Variants in ARHGAP15 observed in about 807,000 individuals in gnomAD.
The protein encoded by ARHGAP15 is rho GTPase-activating protein 15.
Under a neutral mutation model 63.7 loss-of-function variants are expected in ARHGAP15, and 51 were observed. That is an observed-to-expected ratio of 0.80 (90% CI 0.64 to 1.01). The LOEUF is 1.01. ARHGAP15 is among the 50% of genes least tolerant of loss of function. ARHGAP15 has a pLI of 0.00. For synonymous variants in ARHGAP15, 191 were observed against 193.8 expected, an observed-to-expected ratio of 0.99 and a Z score of 0.12; for missense variants, 560 against 564.6, an observed-to-expected ratio of 0.99 and a Z score of 0.08.
intron 12 of ARHGAP15, among the ~76,000 whole-genome samples, chr2:143,625,122 AG>A (rs1248289208): frequency 6.6e-6 from 1 of 152,192 alleles, no homozygotes; most frequent in East Asian, 1.9e-4. Flanking sequence ...GATTTAAGGA[AG>A]AAAAAGAAAG....
intron 2 of ARHGAP15, among the ~76,000 whole-genome samples, chr2:143,198,789 G>T (rs1379359811): frequency 1.3e-5 from 2 of 152,104 alleles, no homozygotes; most frequent in Non-Finnish European, 2.9e-5. Context: ...ATAGTTAAAG[G>T]CCAAGTGCCC....
chr2:143,524,364 G>GACT (rs1345971764), intron 10 of ARHGAP15, among the ~76,000 whole-genome samples: 2 of 152,142 alleles, frequency 1.3e-5, no homozygotes, highest in Non-Finnish European at 2.9e-5. Context: ...CAAGCAAAGG[G>GACT]ACTGACCTTT....
intron 11 of ARHGAP15, among the ~76,000 whole-genome samples, chr2:143,616,204 TTTATG>T (rs1233944304): frequency 1.3e-5 from 2 of 152,188 alleles, no homozygotes; most frequent in African/African-American, 4.8e-5. Context: ...GGGAAGATGT[TTTATG>T]TTATGCCATT....
intron 6 of ARHGAP15, among the ~76,000 whole-genome samples, chr2:143,324,949 A>G (rs1684186473): frequency 1.3e-5 from 2 of 152,184 alleles, no homozygotes; most frequent in Non-Finnish European, 2.9e-5. Flanking sequence ...ATTATAATGA[A>G]TATTCAAAAT....
At chr2:143,391,546 C>T (rs1283430339) in intron 6 of ARHGAP15, among the ~76,000 whole-genome samples, 1 of 152,204 alleles carries the variant, frequency 6.6e-6, no homozygotes, top group African/African-American at 2.4e-5. Context: ...TAAGCAAGCA[C>T]TTAACTCAAT....
chr2:143,583,772 G>T (rs1265062191), intron 11 of ARHGAP15, among the ~76,000 whole-genome samples: 2 of 152,160 alleles, frequency 1.3e-5, no homozygotes, highest in Non-Finnish European at 2.9e-5. Context: ...GTGAGTAAAT[G>T]GGAGTTCTCC....
intron 6 of ARHGAP15, among the ~76,000 whole-genome samples, chr2:143,346,262 A>T (rs1558909900): frequency 6.6e-6 from 1 of 150,698 alleles, no homozygotes; most frequent in African/African-American, 2.4e-5. Context: ...ACACACACAC[A>T]CACACACACA....
chr2:143,612,423 A>T (rs1229081367), intron 11 of ARHGAP15, among the ~76,000 whole-genome samples: 1 of 152,162 alleles, frequency 6.6e-6, no homozygotes, highest in Non-Finnish European at 1.5e-5. Flanking sequence ...TTCACCTTAA[A>T]TGTCCTGTGT....
intron 9 of ARHGAP15, among the ~76,000 whole-genome samples, chr2:143,504,513 C>T (rs1010165372): frequency 8.5e-5 from 13 of 152,156 alleles, no homozygotes; most frequent in African/African-American, 2.4e-4. Flanking sequence ...TTAATTCCTA[C>T]GTAATCGCAA....
intron 12 of ARHGAP15, among the ~76,000 whole-genome samples, chr2:143,687,278 G>C (rs1250784293): frequency 6.6e-6 from 1 of 152,150 alleles, no homozygotes; most frequent in African/African-American, 2.4e-5. Context: ...TTCTTACTTA[G>C]AAATGTTACT....
chr2:143,385,416 A>G (rs992729451), intron 6 of ARHGAP15, among the ~76,000 whole-genome samples: 1 of 150,520 alleles, frequency 6.6e-6, no homozygotes, highest in African/African-American at 2.5e-5. Context: ...TTTCAACAGA[A>G]TAATAGCTAA....
intron 12 of ARHGAP15, among the ~76,000 whole-genome samples, chr2:143,696,902 T>G (rs1683873122): frequency 3.3e-5 from 5 of 152,164 alleles, no homozygotes; most frequent in African/African-American, 1.2e-4. Context: ...GTACCTCTCT[T>G]CTCAGGTTGA....
intron 6 of ARHGAP15, among the ~76,000 whole-genome samples, chr2:143,351,846 T>C (rs1053967243): frequency 5.3e-5 from 8 of 152,176 alleles, no homozygotes; most frequent in African/African-American, 1.9e-4. Context: ...TATTTCTCTC[T>C]TTGATAAAAG....
intron 6 of ARHGAP15, among the ~76,000 whole-genome samples, chr2:143,261,694 A>G (rs1263825648): frequency 6.6e-6 from 1 of 152,078 alleles, no homozygotes; most frequent in Non-Finnish European, 1.5e-5. Flanking sequence ...TTTTAAGCAA[A>G]TAGTTTCATC....
At chr2:143,287,272 A>G (rs542273068) in intron 6 of ARHGAP15, among the ~76,000 whole-genome samples, 23 of 152,164 alleles carry the variant, frequency 1.5e-4, no homozygotes, top group African/African-American at 5.6e-4. Flanking sequence ...CCCAAAACAC[A>G]TTGGAAGAGA....
At chr2:143,157,123 C>G (rs1163306793) in intron 2 of ARHGAP15, among the ~76,000 whole-genome samples, 2 of 151,892 alleles carry the variant, frequency 1.3e-5, no homozygotes, top group Non-Finnish European at 2.9e-5. Context: ...AGTGATCCAT[C>G]TCTCAATGAA....
At chr2:143,320,820 TAA>T (rs930137004) in intron 6 of ARHGAP15, among the ~76,000 whole-genome samples, 6 of 152,116 alleles carry the variant, frequency 3.9e-5, no homozygotes, top group African/African-American at 1.4e-4. Flanking sequence ...AGGTTTTAAA[TAA>T]AAAGTGACTT....
intron 9 of ARHGAP15, among the ~76,000 whole-genome samples, chr2:143,493,891 T>C (rs1692698530): frequency 6.6e-6 from 1 of 152,170 alleles, no homozygotes; most frequent in South Asian, 2.1e-4. Context: ...ATCAGTAGCT[T>C]AGTTGGGTAT....
intron 6 of ARHGAP15, among the ~76,000 whole-genome samples, chr2:143,305,825 A>G (rs1683141921): frequency 1.3e-5 from 2 of 152,190 alleles, no homozygotes; most frequent in South Asian, 4.1e-4. Flanking sequence ...ATACAAATGG[A>G]ATTTTAGCAA....
Sources: allele counts gnomAD v4.1 joint callset (sites outside exome capture counted in the v4.1 genomes callset), GRCh38; gene constraint gnomAD v4.1.1; transcripts MANE v1.5; gene names NCBI Gene and HGNC (gene_info 2026-07-23, HGNC 2026-07-21).